Variants in EYS observed in about 807,000 individuals in gnomAD.
EYS encodes the protein EGF-like photoreceptor maintenance factor, also known as protein eyes shut homolog.
A neutral mutation model predicts 282.1 loss-of-function variants in EYS; 250 were observed. The ratio of observed to expected loss-of-function variants is 0.89; its 90% CI spans 0.80 to 0.98. The LOEUF is 0.98. Ranked by LOEUF, EYS falls within the 50% of genes least tolerant of loss-of-function variation. The probability of loss-of-function intolerance (pLI) is 0.00; values close to 1 mark genes in which losing one functional copy is unlikely to be tolerated. For synonymous variants in EYS, 1,355 were observed against 1,282.9 expected (o/e 1.06, Z -1.20); for missense variants, 4,016 against 3,709.0 (o/e 1.08, Z -2.15).
intron 12 of EYS, among the ~76,000 whole-genome samples, chr6:65,179,584 AG>A (rs1447229477): frequency 6.6e-6 from 1 of 152,172 alleles, no homozygotes; most frequent in Non-Finnish European, 1.5e-5. Flanking sequence ...AACCAAAAAA[AG>A]TCCAGGACCA....
At chr6:65,391,199 G>A (rs990919983) in intron 7 of EYS, among the ~76,000 whole-genome samples, 2 of 151,986 alleles carry the variant, frequency 1.3e-5, no homozygotes, top group Admixed American at 1.3e-4. Flanking sequence ...CATTTAGGGG[G>A]CCAGATTACA....
At chr6:64,240,924 C>A (rs902216948) in intron 30 of EYS, among the ~76,000 whole-genome samples, 4 of 152,130 alleles carry the variant, frequency 2.6e-5, no homozygotes, top group Non-Finnish European at 5.9e-5. Context: ...GAGATACATT[C>A]CATCACTGCC....
chr6:65,524,472 C>G (rs1002394277), intron 2 of EYS, among the ~76,000 whole-genome samples: 2 of 152,072 alleles, frequency 1.3e-5, no homozygotes, highest in East Asian at 3.9e-4. Flanking sequence ...AATGTTGGAC[C>G]GTGAATCATA....
chr6:64,704,486 AATT>A (rs1770910128), intron 22 of EYS, among the ~76,000 whole-genome samples: 1 of 17,690 alleles, frequency 5.7e-5, no homozygotes, highest in Non-Finnish European at 2.6e-4. Flanking sequence ...ATTATATTAT[AATT>A]ATAATATAAT....
At chr6:64,459,130 G>A (rs1014877358) in intron 26 of EYS, among the ~76,000 whole-genome samples, 6 of 152,208 alleles carry the variant, frequency 3.9e-5, no homozygotes, top group African/African-American at 1.4e-4. Context: ...TAATTTATAA[G>A]TAACTATTAA....
chr6:64,132,981 G>A (rs1226005460), intron 31 of EYS, among the ~76,000 whole-genome samples: 2 of 151,772 alleles, frequency 1.3e-5, no homozygotes, highest in Admixed American at 6.6e-5. Context: ...AATGTACTAC[G>A]TGTAACTTAG....
At chr6:63,984,709 C>T in intron 34 of EYS, 106 bp from the exon 35 acceptor site, 1 of 951,664 alleles carries the variant, frequency 1.1e-6, no homozygotes, top group South Asian at 1.5e-5. Context: ...ATGTGTTTTT[C>T]TGTGTAAAAG....
At chr6:63,851,238 C>A (rs1023315203) in intron 36 of EYS, among the ~76,000 whole-genome samples, 4 of 152,144 alleles carry the variant, frequency 2.6e-5, no homozygotes, top group African/African-American at 9.7e-5. Flanking sequence ...GACTGTAACA[C>A]CCCACTGGCA....
chr6:63,752,052 A>G (rs1160298180), intron 41 of EYS, among the ~76,000 whole-genome samples: 4 of 152,212 alleles, frequency 2.6e-5, no homozygotes, highest in Admixed American at 2.0e-4. Flanking sequence ...GTGAAGCACA[A>G]TTTGGGGGTT....
At chr6:65,291,850 C>T (rs1304290071) in intron 12 of EYS, among the ~76,000 whole-genome samples, 2 of 151,564 alleles carry the variant, frequency 1.3e-5, no homozygotes, top group Non-Finnish European at 3.0e-5. Flanking sequence ...AAGCCACTAG[C>T]TGAGTGGTTT....
chr6:64,643,014 C>T (rs1386302625), intron 22 of EYS, among the ~76,000 whole-genome samples: 1 of 151,710 alleles, frequency 6.6e-6, no homozygotes, highest in Non-Finnish European at 1.5e-5. Flanking sequence ...ACTTGAGGGG[C>T]TGAGGCAGGA....
chr6:63,984,700 T>C, intron 34 of EYS, 97 bp from the exon 35 acceptor site: 1 of 960,078 alleles, frequency 1.0e-6, no homozygotes, highest in Non-Finnish European at 1.6e-6. Context: ...TGTGTTTTAA[T>C]GTGTTTTTCT....
At chr6:64,688,107 TTC>T (rs1770226437) in intron 22 of EYS, among the ~76,000 whole-genome samples, 3 of 152,244 alleles carry the variant, frequency 2.0e-5, no homozygotes, top group African/African-American at 7.2e-5. Flanking sequence ...TATTTGATTC[TTC>T]TCTCTTTTCT....
At chr6:64,435,525 A>C (rs1283461662) in intron 28 of EYS, among the ~76,000 whole-genome samples, 2 of 150,974 alleles carry the variant, frequency 1.3e-5, no homozygotes, top group Non-Finnish European at 3.0e-5. Context: ...TTTAATCTAC[A>C]TACCAGCTTA....
At chr6:64,991,170 G>T (rs1771049915) in intron 14 of EYS, among the ~76,000 whole-genome samples, 1 of 151,496 alleles carries the variant, frequency 6.6e-6, no homozygotes, top group Admixed American at 6.6e-5. Context: ...GTTAACCATA[G>T]TTATAAATGT....
intron 2 of EYS, among the ~76,000 whole-genome samples, chr6:65,608,807 A>G (rs533316100): frequency 6.6e-6 from 1 of 152,172 alleles, no homozygotes; most frequent in African/African-American, 2.4e-5. Context: ...TAAGATACAA[A>G]CACACATATT....
intron 24 of EYS, among the ~76,000 whole-genome samples, chr6:64,616,364 C>A (rs1187213978): frequency 6.6e-6 from 1 of 152,032 alleles, no homozygotes; most frequent in African/African-American, 2.4e-5. Flanking sequence ...AAGAGAAAAT[C>A]TTTTTCCTAG....
At chr6:65,265,571 G>C (rs1457620026) in intron 12 of EYS, among the ~76,000 whole-genome samples, 1 of 151,944 alleles carries the variant, frequency 6.6e-6, no homozygotes, top group Admixed American at 6.6e-5. Context: ...AATGTGTATA[G>C]AGTATTGTTT....
chr6:65,354,675 G>T (rs1002465018), intron 8 of EYS, among the ~76,000 whole-genome samples: 5 of 151,986 alleles, frequency 3.3e-5, no homozygotes, highest in African/African-American at 1.2e-4. Context: ...AAATTAGTCA[G>T]GTGCAGTGGC....
Sources: allele counts gnomAD v4.1 joint callset (sites outside exome capture counted in the v4.1 genomes callset), GRCh38; gene constraint gnomAD v4.1.1; transcripts MANE v1.5; gene names NCBI Gene and HGNC (gene_info 2026-07-23, HGNC 2026-07-21).